GRB2: variants seen among roughly 807,000 people sequenced by gnomAD.
GRB2 encodes the protein growth factor receptor bound protein 2.
GRB2 carries 2 observed loss-of-function variants against 27.4 expected under a neutral mutation model. That is an observed-to-expected ratio of 0.07 (90% CI 0.03 to 0.23). The LOEUF (loss-of-function observed/expected upper bound fraction) is 0.23. Ranked by LOEUF, GRB2 falls within the 10% of genes least tolerant of loss-of-function variation. The pLI, the probability that GRB2 is intolerant of heterozygous loss-of-function variation, is 1.00. For synonymous variants in GRB2, 94 were observed against 99.6 expected, an observed-to-expected ratio of 0.94 and a Z score of 0.33; for missense variants, 102 against 282.4, an observed-to-expected ratio of 0.36 and a Z score of 4.58.
chr17:75,336,882 C>T (rs993858770), intron 2 of GRB2, among the ~76,000 whole-genome samples: 1 of 152,092 alleles, frequency 6.6e-6, no homozygotes, highest in African/African-American at 2.4e-5. Context: ...GGATTACAGG[C>T]ATGCGCCACT....
At chr17:75,390,820 A>G (rs1302375733) in intron 2 of GRB2, among the ~76,000 whole-genome samples, 1 of 152,182 alleles carries the variant, frequency 6.6e-6, no homozygotes, top group Non-Finnish European at 1.5e-5. Context: ...CTATTTCATT[A>G]TCTTGAAATG....
At position 75,356,128 on chromosome 17, in the gene GRB2, CT is replaced by C. The variant is rs368810895; in HGVS notation, c.79-23332del. 7.6e-3 allele frequency among the ~76,000 whole-genome samples: 1,152 copies of C among 152,176 alleles called. 8 individuals carry two copies. The highest frequency in any genetic ancestry group is 0.026 in the African/African-American group (1,070 of 41,512). On this transcript the variant is annotated intron_variant, in intron 2 of 5. Transcript: ENST00000316804. Reference sequence around the variant, plus strand: ...AGATTACAGGCATGAGCCACCGCACCTGGCCCTATCTATCTTAATTTTTAAT... The same window carrying C: ...AGATTACAGGCATGAGCCACCGCACCGGCCCTATCTATCTTAATTTTTAAT...
At chr17:75,404,531 C>T (rs1360684560) in intron 1 of GRB2, among the ~76,000 whole-genome samples, 1 of 94,300 alleles carries the variant, frequency 1.1e-5, no homozygotes, top group African/African-American at 4.4e-5. Context: ...AGGGGAAGTA[C>T]ATTAGAAAAA....
At chr17:75,346,162 A>ATTT (rs67737628) in intron 2 of GRB2, among the ~76,000 whole-genome samples, 4,515 of 134,198 alleles carry the variant, frequency 0.034, 160 homozygotes, top group Middle Eastern at 0.098. Flanking sequence ...TCGGCCACTG[A>ATTT]TTTTTTTTTT....
chr17:75,342,260 T>C (rs2078626223), intron 2 of GRB2, among the ~76,000 whole-genome samples: 1 of 152,188 alleles, frequency 6.6e-6, no homozygotes, highest in Non-Finnish European at 1.5e-5. Context: ...CCGCAAGCAA[T>C]GAAGCTGGCT....
At chr17:75,395,567 G>A (rs1436145734) in intron 1 of GRB2, among the ~76,000 whole-genome samples, 14 of 152,062 alleles carry the variant, frequency 9.2e-5, no homozygotes, top group East Asian at 7.7e-4. Flanking sequence ...GATCACTCTC[G>A]ATTTTGTTTT....
chr17:75,399,399 G>A (rs1245169786), intron 1 of GRB2, among the ~76,000 whole-genome samples: 9 of 132,780 alleles, frequency 6.8e-5, no homozygotes, highest in South Asian at 2.3e-4. Context: ...ATGGAGTCTC[G>A]CTTTGTCACC....
chr17:75,357,905 AG>A (rs879554399), intron 2 of GRB2, among the ~76,000 whole-genome samples: 4 of 152,038 alleles, frequency 2.6e-5, no homozygotes, highest in Non-Finnish European at 5.9e-5. Flanking sequence ...TAGGCGACAC[AG>A]TGAGACTTTG....
Position 75,393,758 on chromosome 17 carries a change from A to G in GRB2, c.-130T>C, listed in dbSNP as rs758794487. The G allele has an allele frequency of 8.6e-6, 6 of 694,038 alleles. No homozygotes were observed. Among genetic ancestry groups the G allele is most frequent in the African/African-American group, 7.1e-5 (4 of 56,506 alleles). 43.0% of individuals were successfully genotyped at this position (694,038 alleles called of 1,614,324 possible). A position where few individuals can be genotyped will look rare whatever the true frequency, so the allele number is the denominator to read the frequency against. On this transcript the variant is annotated 5_prime_UTR_variant, in exon 2 of 6. Transcript: ENST00000316804. ...TCGCTCCGGCACTCTGGGACACACA[A>G]TGCCACCCTGAAGCAGGAGAGGGAC... is the stretch of plus-strand genomic sequence containing the variant.
intron 2 of GRB2, among the ~76,000 whole-genome samples, chr17:75,367,960 G>A (rs2078830691): frequency 6.6e-6 from 1 of 151,780 alleles, no homozygotes; most frequent in African/African-American, 2.4e-5. Flanking sequence ...TCGGCTCACT[G>A]CAACCCCTGC....
intron 2 of GRB2, among the ~76,000 whole-genome samples, chr17:75,361,432 G>GA (rs777183557): frequency 6.6e-6 from 1 of 152,102 alleles, no homozygotes; most frequent in Non-Finnish European, 1.5e-5. Flanking sequence ...GAAATCCTCA[G>GA]AAAAATGGGT....
intron 2 of GRB2, among the ~76,000 whole-genome samples, chr17:75,335,793 T>C (rs140426810): frequency 2.4e-3 from 361 of 152,346 alleles, no homozygotes; most frequent in African/African-American, 8.2e-3. Flanking sequence ...TGATGAAAAC[T>C]TTCTTCTAGT....
At chr17:75,347,531 C>A (rs2078663250) in intron 2 of GRB2, among the ~76,000 whole-genome samples, 6 of 152,160 alleles carry the variant, frequency 3.9e-5, no homozygotes, top group South Asian at 4.1e-4. Flanking sequence ...GGGAGAGAAA[C>A]CACCAGACTT....
At chr17:75,361,494 CAACT>C (rs2078781298) in intron 2 of GRB2, among the ~76,000 whole-genome samples, 1 of 152,138 alleles carries the variant, frequency 6.6e-6, no homozygotes, top group Admixed American at 6.6e-5. Context: ...GTCTCCTTAC[CAACT>C]AACTGCGTAA....
chr17:75,363,664 C>A (rs777543428), intron 2 of GRB2, among the ~76,000 whole-genome samples: 3 of 151,508 alleles, frequency 2.0e-5, no homozygotes, highest in Admixed American at 6.6e-5. Flanking sequence ...TCGAGACCAT[C>A]CTGGCCAACA....
intron 2 of GRB2, among the ~76,000 whole-genome samples, chr17:75,348,446 C>T (rs1386184908): frequency 6.6e-6 from 1 of 152,186 alleles, no homozygotes; most frequent in African/African-American, 2.4e-5. Context: ...CTTGCAGTAG[C>T]TGCCCCTTTG....
chr17:75,386,931 T>C (rs532689410), intron 2 of GRB2, among the ~76,000 whole-genome samples: 1 of 151,292 alleles, frequency 6.6e-6, no homozygotes, highest in Non-Finnish European at 1.5e-5. Context: ...ACCCCAGCAC[T>C]TTGGGAGGCT....
intron 2 of GRB2, among the ~76,000 whole-genome samples, chr17:75,370,683 T>G (rs749736455): frequency 6.6e-5 from 10 of 152,242 alleles, no homozygotes; most frequent in Non-Finnish European, 1.5e-4. Flanking sequence ...GGGACTCTTC[T>G]TCCCAGGAGG....
At chr17:75,397,598 G>A (rs542285339) in intron 1 of GRB2, among the ~76,000 whole-genome samples, 3 of 152,088 alleles carry the variant, frequency 2.0e-5, no homozygotes, top group South Asian at 4.1e-4. Flanking sequence ...CATGACAACA[G>A]TCCAGTATAG....
Sources: gnomAD v4.1 joint callset for allele counts (sites outside exome capture counted in the v4.1 genomes callset) on GRCh38, gnomAD v4.1.1 for gene constraint, MANE v1.5 for transcripts, NCBI Gene and HGNC (gene_info 2026-07-23, HGNC 2026-07-21) for gene names.